Variants in GLCCI1 observed in about 807,000 individuals in gnomAD.
GLCCI1 encodes glucocorticoid-induced transcript 1 protein.
In GLCCI1, 24 loss-of-function variants were observed where a neutral mutation model predicts 52.2. The observed-to-expected ratio is 0.46, with a 90% CI of 0.33 to 0.65. The LOEUF (loss-of-function observed/expected upper bound fraction) is 0.65. Among genes scored for constraint, GLCCI1 ranks in the 30% least tolerant of loss-of-function variants. The probability of loss-of-function intolerance (pLI) is 0.02; values close to 1 mark genes in which losing one functional copy is unlikely to be tolerated. For missense variants in GLCCI1, 704 were observed against 701.5 expected, an observed-to-expected ratio of 1.00 and a Z score of -0.04; for synonymous variants, 310 against 276.5, an observed-to-expected ratio of 1.12 and a Z score of -1.20.
intron 3 of GLCCI1, chr7:8,024,889 C>T (rs575111557): frequency 1.7e-4 from 26 of 152,380 alleles, no homozygotes; most frequent in Admixed American, 1.5e-3. Context: ...TGTCGCATAG[C>T]ATTTCAGTCA....
chr7:7,980,767 T>TCCTAGGCCAAAAATAGACTCTCCTCC, intron 1 of GLCCI1: 1 of 694,458 alleles, frequency 1.4e-6, no homozygotes. Context: ...TACCATACAG[T>TCCTAGGCCAAAAATAGACTCTCCTCC]ATTTGGTGAG....
At chr7:7,975,473 G>C (rs1780444757) in intron 1 of GLCCI1, among the ~76,000 whole-genome samples, 1 of 152,164 alleles carries the variant, frequency 6.6e-6, no homozygotes, top group Admixed American at 6.5e-5. Flanking sequence ...AAGGATTTAG[G>C]ATGTGGATCT....
chr7:8,006,672 C>A (rs900470629), intron 2 of GLCCI1, among the ~76,000 whole-genome samples: 2 of 152,158 alleles, frequency 1.3e-5, no homozygotes, highest in African/African-American at 4.8e-5. Context: ...GTCCTCCCCC[C>A]ACTACCCAAT....
At chr7:8,061,794 G>A (rs2127961281) in intron 5 of GLCCI1, among the ~76,000 whole-genome samples, 1 of 150,068 alleles carries the variant, frequency 6.7e-6, no homozygotes, top group South Asian at 2.1e-4. Flanking sequence ...AGCCTCCTGA[G>A]TAGCTGGGAT....
chr7:8,066,427 T>C (rs975869322), intron 5 of GLCCI1, among the ~76,000 whole-genome samples: 2 of 152,116 alleles, frequency 1.3e-5, no homozygotes, highest in Non-Finnish European at 2.9e-5. Context: ...TGTCTTCTGC[T>C]AGCTTTGGAG....
chr7:8,076,095 G>T (rs1202649732), intron 6 of GLCCI1, among the ~76,000 whole-genome samples: 2 of 152,074 alleles, frequency 1.3e-5, no homozygotes, highest in African/African-American at 4.8e-5. Context: ...TAACATACTT[G>T]TATTTATCTC....
intron 1 of GLCCI1, among the ~76,000 whole-genome samples, chr7:7,979,458 G>T (rs1780562140): frequency 6.6e-6 from 1 of 152,076 alleles, no homozygotes; most frequent in South Asian, 2.1e-4. Context: ...GCTTTTTCTG[G>T]TGTTCTGTTT....
intron 7 of GLCCI1, among the ~76,000 whole-genome samples, chr7:8,085,643 A>C (rs1308737206): frequency 6.6e-6 from 1 of 152,010 alleles, no homozygotes; most frequent in Non-Finnish European, 1.5e-5. Flanking sequence ...ATCTTGCAGG[A>C]GCTGATGGCT....
At chr7:8,056,926 G>T (rs1366260470) in intron 4 of GLCCI1, among the ~76,000 whole-genome samples, 1 of 152,068 alleles carries the variant, frequency 6.6e-6, no homozygotes, top group African/African-American at 2.4e-5. Flanking sequence ...TAGAAACAGG[G>T]CAGTAAGATA....
chr7:8,052,140 T>C (rs1307708823), intron 3 of GLCCI1, among the ~76,000 whole-genome samples: 1 of 152,100 alleles, frequency 6.6e-6, no homozygotes, highest in Non-Finnish European at 1.5e-5. Context: ...TGTCTTTCAG[T>C]GAAGGAAAAG....
At chr7:8,001,352 T>A (rs1781045865) in intron 1 of GLCCI1, among the ~76,000 whole-genome samples, 1 of 152,214 alleles carries the variant, frequency 6.6e-6, no homozygotes, top group African/African-American at 2.4e-5. Flanking sequence ...TCTTTAAGAA[T>A]GTTGAATATC....
intron 3 of GLCCI1, among the ~76,000 whole-genome samples, chr7:8,049,531 T>C (rs1782210621): frequency 6.6e-6 from 1 of 152,222 alleles, no homozygotes; most frequent in African/African-American, 2.4e-5. Flanking sequence ...TCATTATCTT[T>C]TAAAAACCAG....
At chr7:8,068,787 A>G (rs900272146) in intron 5 of GLCCI1, among the ~76,000 whole-genome samples, 6 of 152,110 alleles carry the variant, frequency 3.9e-5, no homozygotes, top group Non-Finnish European at 7.3e-5. Flanking sequence ...ACCATGGTAT[A>G]ATTTGTACAG....
chr7:7,980,117 A>C (rs1780581342), intron 1 of GLCCI1, among the ~76,000 whole-genome samples: 1 of 151,420 alleles, frequency 6.6e-6, no homozygotes, highest in Non-Finnish European at 1.5e-5. Flanking sequence ...GGGGTTTCGA[A>C]CTCCTGGCCT....
rs142083570 is a variant in GLCCI1 at position 8,019,898 on chromosome 7, G to A, written c.610-2585G>A. Among the ~76,000 whole-genome samples the A allele has an allele frequency of 2.4e-3, 360 of 152,278 alleles. 5 individuals are homozygous for A. The East Asian group carries it at 0.03, about 13-fold the overall frequency. ...ACCTGCTCCAATTGGGTCAGTGAGC[G>A]GTGAGTGAATGTGAAGGCTTAGGGT... On this transcript the variant is annotated intron_variant, in intron 2 of 7. Transcript: ENST00000223145.
chr7:8,006,468 C>T (rs975223327), intron 2 of GLCCI1, among the ~76,000 whole-genome samples: 2 of 152,082 alleles, frequency 1.3e-5, no homozygotes, highest in Non-Finnish European at 2.9e-5. Flanking sequence ...AAACCTAACC[C>T]ATAATATTAC....
chr7:8,039,099 C>CA (rs535024255), intron 3 of GLCCI1, among the ~76,000 whole-genome samples: 71 of 149,416 alleles, frequency 4.8e-4, no homozygotes, highest in Non-Finnish European at 4.8e-4. Flanking sequence ...ATTAAAAAGT[C>CA]AAAAAAAAAT....
At chr7:8,040,368 C>T (rs1018929778) in intron 3 of GLCCI1, among the ~76,000 whole-genome samples, 4 of 151,876 alleles carry the variant, frequency 2.6e-5, no homozygotes, top group African/African-American at 9.7e-5. Flanking sequence ...TGCCTGTGGT[C>T]CGAGTTACTC....
intron 3 of GLCCI1, among the ~76,000 whole-genome samples, chr7:8,026,938 C>T (rs553799625): frequency 6.6e-6 from 1 of 152,156 alleles, no homozygotes; most frequent in African/African-American, 2.4e-5. Flanking sequence ...TATAACTCTA[C>T]AAATCTGAAA....
Sources: allele counts gnomAD v4.1 joint callset (sites outside exome capture counted in the v4.1 genomes callset), GRCh38; gene constraint gnomAD v4.1.1; transcripts MANE v1.5; gene names NCBI Gene and HGNC (gene_info 2026-07-23, HGNC 2026-07-21).